Variants in CERS6 observed in about 807,000 individuals in gnomAD.
The protein encoded by CERS6 is LAG1 homolog, ceramide synthase 6.
Under a neutral mutation model 56.8 loss-of-function variants are expected in CERS6, and 26 were observed. The observed-to-expected ratio is 0.46, with a 90% confidence interval of 0.34 to 0.63. CERS6 has a LOEUF of 0.63. Ranked by LOEUF, CERS6 falls within the 30% of genes least tolerant of loss-of-function variation. The pLI is 0.01. For synonymous variants in CERS6, 164 were observed against 173.3 expected (o/e 0.95, Z 0.42); for missense variants, 415 against 467.5 (o/e 0.89, Z 1.04).
intron 4 of CERS6, among the ~76,000 whole-genome samples, chr2:168,657,672 A>G (rs559909156): frequency 1.3e-5 from 2 of 152,340 alleles, no homozygotes; most frequent in Admixed American, 1.3e-4. Context: ...CTCCGCAGCC[A>G]CTGGCCCGGG....
intron 4 of CERS6, among the ~76,000 whole-genome samples, chr2:168,669,738 G>A (rs1323477800): frequency 6.6e-6 from 1 of 152,044 alleles, no homozygotes; most frequent in Admixed American, 6.6e-5. Context: ...ATGTTTCCCG[G>A]GAATAACAAC....
chr2:168,561,205 A>G lies in CERS6; in HGVS notation c.290A>G (p.Lys97Arg). 1 of 1,614,012 alleles carries G rather than the reference A, an allele frequency of 6.2e-7. No homozygotes were observed. The highest frequency in any genetic ancestry group is 8.5e-7 in the Non-Finnish European group (1 of 1,179,914). ...FTAITKHPDE[K>R]RLEGLSKQLD... is the part of the protein sequence containing the mutation. ...CTTGTTTCATAGCATCCTGATGAAA[A>G]GAGATTGGAAGGCCTCTCCAAGCAA... Residue 97 changes from lysine (K) to arginine (R), a missense_variant, in exon 3 of 10, where the codon AAG becomes AGG. Physicochemically the swap from Lys to Arg is conservative, Grantham distance 26. Transcript: ENST00000305747.
intron 4 of CERS6, among the ~76,000 whole-genome samples, chr2:168,678,938 T>C (rs1311018883): frequency 1.3e-5 from 2 of 152,176 alleles, no homozygotes; most frequent in African/African-American, 4.8e-5. Context: ...AACCTCAGTG[T>C]CCATTGAATG....
intron 1 of CERS6, among the ~76,000 whole-genome samples, chr2:168,523,957 C>T (rs1306044595): frequency 6.6e-6 from 1 of 152,166 alleles, no homozygotes; most frequent in Non-Finnish European, 1.5e-5. Flanking sequence ...AACTTAGTGT[C>T]CTCTTCAGAC....
chr2:168,528,509 T>A (rs1025438276), intron 1 of CERS6, among the ~76,000 whole-genome samples: 3 of 152,222 alleles, frequency 2.0e-5, no homozygotes, highest in Non-Finnish European at 4.4e-5. Context: ...TTAAAATAAT[T>A]TGTGATTTCT....
At chr2:168,491,025 G>A (rs1269004714) in intron 1 of CERS6, among the ~76,000 whole-genome samples, 2 of 152,114 alleles carry the variant, frequency 1.3e-5, no homozygotes, top group Non-Finnish European at 2.9e-5. Flanking sequence ...GGGGAAAAAC[G>A]AAAGTCCCAA....
intron 1 of CERS6, among the ~76,000 whole-genome samples, chr2:168,534,242 G>A (rs554694222): frequency 3.5e-4 from 54 of 152,130 alleles, no homozygotes; most frequent in Admixed American, 3.1e-3. Flanking sequence ...CTCATCCTCC[G>A]TCTAGTTCTG....
At chr2:168,730,364 A>G (rs915023248) in intron 8 of CERS6, among the ~76,000 whole-genome samples, 8 of 152,158 alleles carry the variant, frequency 5.3e-5, no homozygotes, top group Non-Finnish European at 1.2e-4. Flanking sequence ...TAAAATGCAG[A>G]CTCTGGCTAG....
chr2:168,560,381 G>C (rs1253649291), intron 2 of CERS6, among the ~76,000 whole-genome samples: 3 of 152,090 alleles, frequency 2.0e-5, no homozygotes, highest in Non-Finnish European at 2.9e-5. Flanking sequence ...TTTCACATTT[G>C]GTTCTTGTTG....
chr2:168,470,253 T>C (rs1164241419), intron 1 of CERS6, among the ~76,000 whole-genome samples: 1 of 149,344 alleles, frequency 6.7e-6, no homozygotes, highest in Non-Finnish European at 1.5e-5. Flanking sequence ...CGTGGTGGTA[T>C]GCACCTGGAG....
intron 3 of CERS6, among the ~76,000 whole-genome samples, chr2:168,601,989 T>A (rs558772585): frequency 5.9e-5 from 9 of 152,312 alleles, no homozygotes; most frequent in African/African-American, 2.2e-4. Context: ...TGAAGTAAAA[T>A]TTACTGCCCT....
intron 8 of CERS6, among the ~76,000 whole-genome samples, chr2:168,757,995 G>A (rs1684464496): frequency 1.3e-5 from 2 of 152,150 alleles, no homozygotes; most frequent in Admixed American, 6.5e-5. Context: ...AGGAAAACCA[G>A]CACAACGAGG....
rs1250512737 is a variant in CERS6, at chr2:168,652,604, ATTG to A, written c.465+21568_465+21570del. Among the ~76,000 whole-genome samples the A allele has an allele frequency of 6.6e-5, 10 of 151,284 alleles. No homozygotes were observed. In the South Asian group the frequency reaches 1.5e-3, roughly 22 times the overall value. ...AAAAAAAAAAAGGAAAAATTAATGA[ATTG>A]TTGTTTTTTTTTTAACCTTTCCTTA... On this transcript the variant is annotated intron_variant, in intron 4 of 9. Coordinates refer to ENST00000305747, the MANE Select transcript of CERS6 (RefSeq NM_203463.3).
At chr2:168,670,966 T>TTCCCCC (rs1685893976) in intron 4 of CERS6, among the ~76,000 whole-genome samples, 13 of 30,560 alleles carry the variant, frequency 4.3e-4, no homozygotes, top group Non-Finnish European at 1.2e-3. Context: ...GATACATGCT[T>TTCCCCC]CCCCCCCCCC....
chr2:168,724,829 G>C (rs2105402858), intron 8 of CERS6, among the ~76,000 whole-genome samples: 1 of 152,354 alleles, frequency 6.6e-6, no homozygotes, highest in African/African-American at 2.4e-5. Flanking sequence ...AGCCCAGCTG[G>C]CTTCACACAG....
intron 4 of CERS6, among the ~76,000 whole-genome samples, chr2:168,674,441 T>C (rs1686002229): frequency 6.6e-6 from 1 of 152,212 alleles, no homozygotes; most frequent in African/African-American, 2.4e-5. Context: ...GACTGGTTTT[T>C]GGCTTCTTGA....
chr2:168,728,366 G>GGA (rs1553513849), intron 8 of CERS6, among the ~76,000 whole-genome samples: 1 of 137,870 alleles, frequency 7.3e-6, no homozygotes, highest in African/African-American at 2.7e-5. Context: ...CACGTTAGGG[G>GGA]AAAAAAAAAA....
At chr2:168,477,397 G>A (rs1283655961) in intron 1 of CERS6, among the ~76,000 whole-genome samples, 2 of 152,064 alleles carry the variant, frequency 1.3e-5, no homozygotes, top group Non-Finnish European at 2.9e-5. Flanking sequence ...AACTATATAA[G>A]CTCATTTGCA....
At chr2:168,704,200 C>T (rs2105375754) in intron 6 of CERS6, among the ~76,000 whole-genome samples, 1 of 152,250 alleles carries the variant, frequency 6.6e-6, no homozygotes, top group Middle Eastern at 3.4e-3. Context: ...TAGACTCAGC[C>T]ACATACTGTA....
Sources: allele counts gnomAD v4.1 joint callset (sites outside exome capture counted in the v4.1 genomes callset), GRCh38; gene constraint gnomAD v4.1.1; transcripts MANE v1.5; gene names NCBI Gene and HGNC (gene_info 2026-07-23, HGNC 2026-07-21).